MORF4L1: variants seen among roughly 807,000 people sequenced by gnomAD.
MORF4L1 encodes mortality factor 4 like 1.
MORF4L1 carries 4 observed loss-of-function variants against 52.9 expected under a neutral mutation model. The ratio of observed to expected loss-of-function variants is 0.08; its 90% confidence interval spans 0.04 to 0.17. The LOEUF is 0.17. MORF4L1 is among the 10% of genes least tolerant of loss of function. The pLI is 1.00. For missense variants in MORF4L1, 214 were observed against 390.4 expected, an observed-to-expected ratio of 0.55 and a Z score of 3.81; for synonymous variants, 123 against 134.8, an observed-to-expected ratio of 0.91 and a Z score of 0.61.
In MORF4L1 at chr15:78,876,641, C is replaced by T. The variant is rs1427716857; in HGVS notation, c.41-1572C>T. Reference sequence around the variant, plus strand: ...GTACCAGGAGAGTGAAATTAGGAAACACAGATCTGATCTGATCTTGTTCGC... The same window carrying T: ...GTACCAGGAGAGTGAAATTAGGAAATACAGATCTGATCTGATCTTGTTCGC... On this transcript the variant is annotated intron_variant, in intron 1 of 11. Coordinates refer to ENST00000426013, the MANE Select transcript of MORF4L1 (RefSeq NM_006791.4). 6 of 455,024 alleles carry T rather than the reference C, an allele frequency of 1.3e-5. No homozygotes were observed. The Admixed American group carries it at 1.4e-4, about 11-fold the overall frequency. The allele number at this position is 455,024 out of a possible 1,614,324, so 28.2% of individuals were successfully genotyped here. A position where few individuals can be genotyped will look rare whatever the true frequency, so the allele number is the denominator to read the frequency against.
At chr15:78,895,052 A>T in intron 11 of MORF4L1, 148 bp downstream of exon 11, 1 of 653,226 alleles carries the variant, frequency 1.5e-6, no homozygotes, top group South Asian at 1.8e-5. Context: ...GTGCAAACAC[A>T]TGGGAGTCTC....
At chr15:78,890,665 A>G (rs912383789) in intron 5 of MORF4L1, 1 of 163,322 alleles carries the variant, frequency 6.1e-6, no homozygotes. Context: ...TATTTTTTAT[A>G]GAGAACAGGA....
intron 5 of MORF4L1, among the ~76,000 whole-genome samples, chr15:78,888,141 A>G (rs1321466083): frequency 6.6e-6 from 1 of 152,208 alleles, no homozygotes; most frequent in Non-Finnish European, 1.5e-5. Context: ...TGAGAAAGTC[A>G]TGTGCATGCA....
intron 11 of MORF4L1, 135 bp downstream of exon 11, chr15:78,895,039 T>A: frequency 1.4e-6 from 1 of 699,966 alleles, no homozygotes; most frequent in Non-Finnish European, 2.5e-6. Context: ...GCAGTAAAAG[T>A]AAGTGCAAAC....
chr15:78,893,738 CA>C (rs1567317956), intron 9 of MORF4L1, 111 bp downstream of exon 9: 2 of 742,330 alleles, frequency 2.7e-6, no homozygotes, highest in East Asian at 5.5e-5. Context: ...CAGAAACTAG[CA>C]AAATAGAATT....
At chr15:78,874,255 T>G (rs973848556) in intron 1 of MORF4L1, among the ~76,000 whole-genome samples, 2 of 152,282 alleles carry the variant, frequency 1.3e-5, no homozygotes, top group African/African-American at 4.8e-5. Context: ...ATTTTTGTTC[T>G]AGGGGTTTTT....
intron 2 of MORF4L1, among the ~76,000 whole-genome samples, chr15:78,879,149 T>C (rs973480769): frequency 3.3e-5 from 5 of 152,148 alleles, no homozygotes; most frequent in African/African-American, 1.2e-4. Flanking sequence ...GGCTAGAGGA[T>C]TGCTTGAGCC....
In MORF4L1 at chr15:78,891,843, G is replaced by A. The variant is rs535300698; in HGVS notation, c.438+271G>A. The A allele has an allele frequency of 2.0e-3, 857 of 435,536 alleles. 5 individuals carry two copies. The highest frequency in any genetic ancestry group is 0.011 in the African/African-American group (545 of 49,516). The allele number at this position is 435,536 out of a possible 1,614,324, so 27.0% of individuals were successfully genotyped here. A position where few individuals can be genotyped will look rare whatever the true frequency, so the allele number is the denominator to read the frequency against. On this transcript the variant is annotated intron_variant, in intron 7 of 11. Transcript: ENST00000426013. ...TTTGGTGTTACGTATTTATTTTTAG[G>A]AGTTAAAGATGTACCTTTAAGATGG...
rs1214512919 is a variant in MORF4L1 at position 78,897,964 on chromosome 15, C to A, written c.*897C>A. 1 of 151,868 alleles carries A rather than the reference C, an allele frequency of 6.6e-6. No homozygotes were observed. Among genetic ancestry groups the A allele is most frequent in the African/African-American group, 2.4e-5 (1 of 41,358 alleles). The allele number at this position is 151,868 out of a possible 1,614,324, so 9.4% of individuals were successfully genotyped here. A position where few individuals can be genotyped will look rare whatever the true frequency, so the allele number is the denominator to read the frequency against. ...TTTACATGACTGTTTTTTTTATTTT[C>A]CCTAAATTATTACTTACTCTGAGCA... On this transcript the variant is annotated 3_prime_UTR_variant, in exon 12 of 12. Transcript: ENST00000426013.
Position 78,873,616 on chromosome 15 carries a change from C to T in MORF4L1, c.40+559C>T, listed in dbSNP as rs190896605. On this transcript the variant is annotated intron_variant, in intron 1 of 11. Transcript: ENST00000426013. The stretch of plus-strand genomic sequence containing the variant: ...AATGGCCGTTGCAAGATGGCGGCGC[C>T]ATCATGGCCGCCGGCGTCTCGGTCC... 3.5e-4 allele frequency: 57 copies of T among 162,116 alleles called. 1 individual carries two copies. In the East Asian group the frequency reaches 0.01, roughly 29 times the overall value. The allele number at this position is 162,116 out of a possible 1,614,324, so 10.0% of individuals were successfully genotyped here. A position where few individuals can be genotyped will look rare whatever the true frequency, so the allele number is the denominator to read the frequency against.
At chr15:78,873,592 A>G (rs1397261689) in intron 1 of MORF4L1, 1 of 164,532 alleles carries the variant, frequency 6.1e-6, no homozygotes, top group Non-Finnish European at 1.3e-5. Flanking sequence ...GCGTTGTAAA[A>G]TGGCCGTTGC....
intron 1 of MORF4L1, among the ~76,000 whole-genome samples, chr15:78,873,465 G>A (rs940514290): frequency 1.3e-5 from 2 of 152,118 alleles, no homozygotes; most frequent in African/African-American, 2.4e-5. Context: ...GGCGCGCCCG[G>A]CCGCTTGGGC....
chr15:78,880,098 C>CT (rs1270714452), intron 2 of MORF4L1, among the ~76,000 whole-genome samples: 6 of 152,136 alleles, frequency 3.9e-5, no homozygotes, highest in African/African-American at 1.2e-4. Flanking sequence ...GTTGTTTAAA[C>CT]TAACTTTTCA....
chr15:78,890,481 G>T (rs946960850), intron 5 of MORF4L1, among the ~76,000 whole-genome samples: 2 of 151,258 alleles, frequency 1.3e-5, no homozygotes, highest in Non-Finnish European at 1.5e-5. Context: ...TTCTTGGTTT[G>T]CTTTTCTTTT....
At chr15:78,882,477 T>C (rs191123098) in intron 3 of MORF4L1, among the ~76,000 whole-genome samples, 120 of 152,368 alleles carry the variant, frequency 7.9e-4, no homozygotes, top group African/African-American at 2.7e-3. Context: ...TAGTACTAAA[T>C]GGATTCTAAT....
intron 9 of MORF4L1, 130 bp from the exon 10 acceptor site, chr15:78,893,928 C>A: frequency 1.2e-6 from 1 of 842,190 alleles, no homozygotes; most frequent in Non-Finnish European, 1.9e-6. Flanking sequence ...CTTTCATATG[C>A]CCTTTAAAAA....
chr15:78,884,708 A>G (rs548533955), intron 3 of MORF4L1, among the ~76,000 whole-genome samples: 84 of 151,260 alleles, frequency 5.6e-4, no homozygotes, highest in Non-Finnish European at 1.1e-3. Context: ...AAATAATCTC[A>G]TTTTGAAAAT....
chr15:78,873,253 G>A, intron 1 of MORF4L1, 196 bp downstream of exon 1: 3 of 1,499,294 alleles, frequency 2.0e-6, no homozygotes, highest in Non-Finnish European at 2.7e-6. Context: ...TGTGAAGCGA[G>A]AGTGCTGCGC....
intron 1 of MORF4L1, among the ~76,000 whole-genome samples, chr15:78,875,143 C>T (rs1453947800): frequency 1.3e-5 from 2 of 152,096 alleles, no homozygotes; most frequent in Non-Finnish European, 2.9e-5. Context: ...TTCCTTTGTA[C>T]TAGTGTGTGT....
Sources: gnomAD v4.1 joint callset for allele counts (sites outside exome capture counted in the v4.1 genomes callset) on GRCh38, gnomAD v4.1.1 for gene constraint, MANE v1.5 for transcripts, NCBI Gene and HGNC (gene_info 2026-07-23, HGNC 2026-07-21) for gene names.